GOLGA3: variants seen among roughly 807,000 people sequenced by gnomAD.
GOLGA3 encodes the protein golgin A3.
Under a neutral mutation model 169.4 loss-of-function variants are expected in GOLGA3, and 75 were observed. That is an observed-to-expected ratio of 0.44 (90% CI 0.37 to 0.54). GOLGA3 has a LOEUF of 0.54. GOLGA3 is among the 20% of genes least tolerant of loss of function. GOLGA3 has a pLI of 0.00. For synonymous variants in GOLGA3, 824 were observed against 822.4 expected, an observed-to-expected ratio of 1.00 and a Z score of -0.03; for missense variants, 1,899 against 1,930.0, an observed-to-expected ratio of 0.98 and a Z score of 0.30.
At position 132,772,388 on chromosome 12, in the gene GOLGA3, A is replaced by ACAAACATT. The variant is rs2044936211; in HGVS notation, c.*709_*716dup. The ACAAACATT allele has an allele frequency of 6.9e-6, 1 of 144,304 alleles. No individual in the cohort carries two copies. Among genetic ancestry groups the ACAAACATT allele is most frequent in the Non-Finnish European group, 1.6e-5 (1 of 62,812 alleles). The allele number at this position is 144,304 out of a possible 1,614,324, so 8.9% of individuals were successfully genotyped here. On this transcript the variant is annotated 3_prime_UTR_variant, in exon 24 of 24. Coordinates refer to ENST00000450791, the MANE Select transcript of GOLGA3 (RefSeq NM_001389683.1). ...GTGAAACCCCATTGCTACTAAAAAT[A>ACAAACATT]CAAACATTAGCCTGGCATAGTGGCG...
rs139934743 is a variant in GOLGA3, at chr12:132,786,781, G to C, written c.2818C>G (p.Gln940Glu). The change falls in exon 14 of 24, where the codon CAG (glutamine) becomes GAG (glutamate). Residue 940 changes from glutamine (Q) to glutamate (E), a missense_variant. Gln to Glu is a conservative substitution (Grantham distance 29). Transcript: ENST00000450791. Reference protein sequence around the residue: ...DEMETHLQSLQFDKEQMVAVT... With the variant: ...DEMETHLQSLEFDKEQMVAVT... Reference sequence around the variant, plus strand: ...GCGACCATCTGCTCCTTATCGAACTGCAACGACTGTGGAAGGGAAGGAGGG... The same window carrying C: ...GCGACCATCTGCTCCTTATCGAACTCCAACGACTGTGGAAGGGAAGGAGGG... 6.2e-7 allele frequency: 1 copy of C among 1,609,746 alleles called. No homozygotes were observed. Among genetic ancestry groups the C allele is most frequent in the African/African-American group, 1.3e-5 (1 of 74,886 alleles).
Position 132,789,035 on chromosome 12 carries a change from G to A in GOLGA3, c.2803C>T (p.His935Tyr). ...AQKERDEMET[H>Y]LQSLQFDKEQ... ...ACCCGACACGGACAGACCTGCAAGT[G>A]TGTTTCCATCTCGTCTCGCTCCTTC... The change falls in exon 13 of 24, where the codon CAC (histidine) becomes TAC (tyrosine). Residue 935 changes from histidine (H) to tyrosine (Y), a missense_variant. By Grantham distance (83) the His-to-Tyr change is moderately conservative. Transcript: ENST00000450791. 1 of 1,553,946 alleles carries A rather than the reference G, an allele frequency of 6.4e-7. No individual in the cohort carries two copies. The highest frequency in any genetic ancestry group is 8.7e-7 in the Non-Finnish European group (1 of 1,144,696).
intron 15 of GOLGA3, 144 bp downstream of exon 15, chr12:132,786,195 G>C (rs10870512): frequency 0.99 from 598,628 of 606,080 alleles, 296,005 homozygotes; most frequent in East Asian, 1. Flanking sequence ...CTGGTAACCT[G>C]GAAGATGAGC....
chr12:132,823,748 T>C (rs749390914), intron 1 of GOLGA3, among the ~76,000 whole-genome samples: 20 of 150,698 alleles, frequency 1.3e-4, no homozygotes, highest in Non-Finnish European at 2.4e-4. Flanking sequence ...GACCACGCCA[T>C]TGCACTCCAG....
At chr12:132,821,502 G>A (rs1283459991) in intron 2 of GOLGA3, among the ~76,000 whole-genome samples, 1 of 151,958 alleles carries the variant, frequency 6.6e-6, no homozygotes, top group Admixed American at 6.6e-5. Flanking sequence ...ACGTTTAATG[G>A]AGTTCTGTTT....
chr12:132,819,198 C>T (rs1950111351), intron 2 of GOLGA3, among the ~76,000 whole-genome samples: 1 of 152,088 alleles, frequency 6.6e-6, no homozygotes, highest in African/African-American at 2.4e-5. Flanking sequence ...CACGTGCATG[C>T]AGGACAGCAA....
intron 15 of GOLGA3, among the ~76,000 whole-genome samples, 181 bp from the exon 16 acceptor site, chr12:132,784,488 C>T (rs1182271911): frequency 3.3e-5 from 5 of 152,204 alleles, no homozygotes; most frequent in East Asian, 1.9e-4. Context: ...AGCATGCACA[C>T]GATGACACAC....
At chr12:132,779,175 G>A (rs139190404) in intron 18 of GOLGA3, among the ~76,000 whole-genome samples, 3,448 of 152,188 alleles carry the variant, frequency 0.023, 56 homozygotes, top group Non-Finnish European at 0.035. Flanking sequence ...CCGCCTCCTG[G>A]TTCAAGCGAT....
chr12:132,812,647 A>C (rs544108343), intron 4 of GOLGA3, among the ~76,000 whole-genome samples: 1 of 152,346 alleles, frequency 6.6e-6, no homozygotes, highest in East Asian at 1.9e-4. Flanking sequence ...GGAAACAGCA[A>C]GGGCACTAGA....
intron 3 of GOLGA3, among the ~76,000 whole-genome samples, chr12:132,814,061 G>C (rs897028201): frequency 8.8e-6 from 1 of 114,146 alleles, no homozygotes; most frequent in Non-Finnish European, 1.7e-5. Context: ...TTTCATTCTT[G>C]TTGCCCAGGC....
Position 132,826,209 on chromosome 12 carries a change from CA to C in GOLGA3, c.-184+2593del. ...TGAGGCTGGACATCAGCCCGCTCCC[CA>C]CAATGAAATAAAGTTATTTTCTCAT... On this transcript the variant is annotated intron_variant, in intron 1 of 23. Coordinates refer to ENST00000450791, the MANE Select transcript of GOLGA3 (RefSeq NM_001389683.1). 3.5e-6 allele frequency: 5 copies of C among 1,427,234 alleles called. No individual in the cohort carries two copies. In the South Asian group the frequency reaches 7.0e-5, roughly 20 times the overall value. 88.4% of individuals were successfully genotyped at this position (1,427,234 alleles called of 1,614,324 possible).
At chr12:132,791,503 G>C (rs1267690893) in intron 11 of GOLGA3, among the ~76,000 whole-genome samples, 1 of 151,898 alleles carries the variant, frequency 6.6e-6, no homozygotes, top group Non-Finnish European at 1.5e-5. Flanking sequence ...GCTCCAGAAG[G>C]GGCCACATCT....
At chr12:132,792,181 G>C (rs1397996624) in intron 11 of GOLGA3, among the ~76,000 whole-genome samples, 1 of 152,206 alleles carries the variant, frequency 6.6e-6, no homozygotes, top group Non-Finnish European at 1.5e-5. Context: ...ACGGGAACTG[G>C]TGGTTCCTAA....
At chr12:132,784,009 G>C (rs749841986) in intron 16 of GOLGA3, 155 bp downstream of exon 16, 6 of 1,507,768 alleles carry the variant, frequency 4.0e-6, no homozygotes, top group Non-Finnish European at 5.3e-6. Flanking sequence ...CCCCACCACA[G>C]AGCCAGAGGC....
At chr12:132,822,880 C>T (rs112649914) in intron 1 of GOLGA3, among the ~76,000 whole-genome samples, 4 of 152,298 alleles carry the variant, frequency 2.6e-5, no homozygotes, top group African/African-American at 9.6e-5. Flanking sequence ...TGAGATCGCA[C>T]CACTGCACTG....
chr12:132,795,746 G>C, intron 11 of GOLGA3, 106 bp downstream of exon 11: 1 of 1,253,974 alleles, frequency 8.0e-7, no homozygotes, highest in Non-Finnish European at 1.1e-6. Flanking sequence ...GGGCAACACA[G>C]CGAGACTGTT....
chr12:132,811,476 A>G (rs957219601), intron 4 of GOLGA3, among the ~76,000 whole-genome samples: 2 of 151,076 alleles, frequency 1.3e-5, no homozygotes, highest in African/African-American at 4.9e-5. Context: ...TCATACTTGC[A>G]TTTTTATTTT....
In GOLGA3 at chr12:132,782,376, C is replaced by T. The variant is rs373673699; in HGVS notation, c.3385G>A (p.Ala1129Thr). 7 of 1,614,140 alleles carry T rather than the reference C, an allele frequency of 4.3e-6. No homozygotes were observed. The African/African-American group carries it at 5.3e-5, about 12-fold the overall frequency. Reference protein sequence around the residue: ...GKLTGLGQSNAALREHNSILE... With the variant: ...GKLTGLGQSNTALREHNSILE... ...ATGCTGTTGTGTTCCCGCAGAGCTG[C>T]GTTGGACTGACCGAGGCCCGTAAGC... is the stretch of plus-strand genomic sequence containing the variant. Residue 1129 changes from alanine to threonine, a missense_variant, in exon 17 of 24, where the codon GCA (alanine) becomes ACA (threonine). Ala to Thr is a moderately conservative substitution (Grantham distance 58). Coordinates refer to ENST00000450791, the MANE Select transcript of GOLGA3 (RefSeq NM_001389683.1).
chr12:132,809,457 C>G (rs1949593676), intron 4 of GOLGA3, among the ~76,000 whole-genome samples: 1 of 149,762 alleles, frequency 6.7e-6, no homozygotes, highest in African/African-American at 2.5e-5. Flanking sequence ...CCCCGGTTCC[C>G]GGTCTGCTAA....
Sources: gnomAD v4.1 joint callset for allele counts (sites outside exome capture counted in the v4.1 genomes callset) on GRCh38, gnomAD v4.1.1 for gene constraint, MANE v1.5 for transcripts, NCBI Gene and HGNC (gene_info 2026-07-23, HGNC 2026-07-21) for gene names.